The following CORIN variants were observed in gnomAD, a reference collection of about 807,000 sequenced individuals.
CORIN encodes corin, serine peptidase.
In CORIN, 117 loss-of-function variants were observed where a neutral mutation model predicts 125.3. The observed-to-expected ratio is 0.93, with a 90% CI of 0.80 to 1.09. CORIN has a LOEUF of 1.09. CORIN is among the 50% of genes least tolerant of loss of function. The pLI is 0.00. For synonymous variants in CORIN, 450 were observed against 466.4 expected (o/e 0.96, Z 0.45); for missense variants, 1,253 against 1,306.7 (o/e 0.96, Z 0.63).
rs80071252 is a variant in CORIN, at chr4:47,736,930, A to T, written c.799+7472T>A. Reference sequence around the variant, plus strand: ...AGGTGAGCAGTGAAAGGGGAGACATAGAGAAGCAGATCTATCACTTGGGAG... The same window carrying T: ...AGGTGAGCAGTGAAAGGGGAGACATTGAGAAGCAGATCTATCACTTGGGAG... On this transcript the variant is annotated intron_variant, in intron 5 of 21. Coordinates refer to ENST00000273857, the MANE Select transcript of CORIN (RefSeq NM_006587.4). Among the ~76,000 whole-genome samples the T allele has an allele frequency of 2.1e-3, 325 of 152,394 alleles. 1 individual carries two copies. The highest frequency in any genetic ancestry group is 7.4e-3 in the African/African-American group (306 of 41,598).
intron 2 of CORIN, chr4:47,790,281 C>T (rs1471015059): frequency 1.3e-6 from 1 of 742,222 alleles, no homozygotes; most frequent in African/African-American, 1.9e-5. Flanking sequence ...GGCAGAACCC[C>T]CGACTGGCCT....
rs557835541 is a variant in CORIN, at chr4:47,651,575, C to A, written c.1843+1978G>T. Among the ~76,000 whole-genome samples, 58 of 152,336 alleles carry A rather than the reference C, an allele frequency of 3.8e-4. No individual in the cohort carries two copies. The Middle Eastern group carries it at 0.01, about 27-fold the overall frequency. ...ATGTAAAGTTTTCTATTGTTAGTCACTTTGGAAAACTTCTCATAAATTAGT... is the reference window on the plus strand; with the variant it reads ...ATGTAAAGTTTTCTATTGTTAGTCAATTTGGAAAACTTCTCATAAATTAGT... On this transcript the variant is annotated intron_variant, in intron 13 of 21. Transcript: ENST00000273857.
At chr4:47,664,729 C>CT (rs1491211354) in intron 11 of CORIN, among the ~76,000 whole-genome samples, 4 of 152,074 alleles carry the variant, frequency 2.6e-5, no homozygotes, top group Non-Finnish European at 5.9e-5. Flanking sequence ...TACTATCATA[C>CT]TTTTTTAAAA....
chr4:47,785,224 T>G (rs1247494665), intron 3 of CORIN, among the ~76,000 whole-genome samples: 1 of 152,208 alleles, frequency 6.6e-6, no homozygotes, highest in Non-Finnish European at 1.5e-5. Context: ...GTGGCTGTAC[T>G]GTGCTCTGAT....
At chr4:47,775,704 G>A (rs1272050540) in intron 3 of CORIN, among the ~76,000 whole-genome samples, 1 of 152,144 alleles carries the variant, frequency 6.6e-6, no homozygotes, top group African/African-American at 2.4e-5. Flanking sequence ...GTTGGCACCT[G>A]TAGGGCCAAC....
intron 19 of CORIN, among the ~76,000 whole-genome samples, chr4:47,607,489 C>T (rs1056564447): frequency 6.6e-6 from 1 of 151,946 alleles, no homozygotes; most frequent in African/African-American, 2.4e-5. Context: ...TGACAGTGTT[C>T]TTTTCTTCTT....
At chr4:47,771,358 G>A (rs1469789104) in intron 3 of CORIN, among the ~76,000 whole-genome samples, 1 of 152,150 alleles carries the variant, frequency 6.6e-6, no homozygotes, top group Admixed American at 6.5e-5. Flanking sequence ...GTGTACTTAG[G>A]AAGATCTGTA....
chr4:47,680,307 A>T, intron 7 of CORIN, 56 bp from the exon 8 acceptor site: 6 of 1,231,602 alleles, frequency 4.9e-6, no homozygotes, highest in Non-Finnish European at 7.1e-6. Context: ...AACAGGCAGG[A>T]TTCTATGGCT....
rs144840009 is a variant in CORIN, at chr4:47,740,935, A to G, written c.799+3467T>C. Among the ~76,000 whole-genome samples, 283 of 152,142 alleles carry G rather than the reference A, an allele frequency of 1.9e-3. 1 individual carries two copies. Among genetic ancestry groups the G allele is most frequent in the Admixed American group, 6.4e-3 (98 of 15,278 alleles). ...AGAAGTTGGACTCCTACTTCACAACATACAGAAAAGTTAATTTAAAATGGA... is the reference window on the plus strand; with the variant it reads ...AGAAGTTGGACTCCTACTTCACAACGTACAGAAAAGTTAATTTAAAATGGA... On this transcript the variant is annotated intron_variant, in intron 5 of 21. Transcript: ENST00000273857.
chr4:47,761,077 A>C (rs1729425816), intron 4 of CORIN, among the ~76,000 whole-genome samples: 1 of 152,192 alleles, frequency 6.6e-6, no homozygotes, highest in African/African-American at 2.4e-5. Context: ...GACCACAAAA[A>C]CTTTCTCCAT....
chr4:47,728,159 A>C (rs1727685770), intron 5 of CORIN, among the ~76,000 whole-genome samples: 1 of 152,194 alleles, frequency 6.6e-6, no homozygotes, highest in South Asian at 2.1e-4. Flanking sequence ...CAATTTCAAA[A>C]GAGATTCATA....
chr4:47,822,043 C>A (rs751256446), intron 1 of CORIN, among the ~76,000 whole-genome samples: 11 of 149,556 alleles, frequency 7.4e-5, no homozygotes, highest in Admixed American at 3.3e-4. Flanking sequence ...TAACAGTATA[C>A]TAAATTGTTC....
chr4:47,794,702 A>T (rs1001327143), intron 2 of CORIN, among the ~76,000 whole-genome samples: 7 of 152,154 alleles, frequency 4.6e-5, no homozygotes, highest in African/African-American at 1.7e-4. Context: ...TGAAAAAACT[A>T]ATTCAGACCA....
chr4:47,707,752 T>C (rs1726643570), intron 5 of CORIN, among the ~76,000 whole-genome samples: 1 of 152,190 alleles, frequency 6.6e-6, no homozygotes, highest in African/African-American at 2.4e-5. Context: ...CTGGTGAGAA[T>C]ATACCTGGGT....
chr4:47,677,815 A>G (rs750964821), intron 9 of CORIN, 123 bp downstream of exon 9: 10 of 699,862 alleles, frequency 1.4e-5, no homozygotes, highest in Non-Finnish European at 2.3e-5. Flanking sequence ...GAGGACCACT[A>G]TGTTAGGCAA....
chr4:47,763,697 T>A (rs1729577935), intron 3 of CORIN, 111 bp from the exon 4 acceptor site: 2 of 859,620 alleles, frequency 2.3e-6, no homozygotes, highest in Admixed American at 4.6e-5. Flanking sequence ...AAGAAAAAAT[T>A]TAGATATGCA....
intron 6 of CORIN, among the ~76,000 whole-genome samples, chr4:47,691,477 A>C (rs750227827): frequency 3.9e-5 from 6 of 152,204 alleles, no homozygotes; most frequent in Non-Finnish European, 8.8e-5. Context: ...GTAAAACACA[A>C]ATTTCTTACT....
chr4:47,680,782 C>T (rs13131207), intron 7 of CORIN: 70,398 of 154,000 alleles, frequency 0.46, 18,121 homozygotes, highest in Non-Finnish European at 0.59. Flanking sequence ...GACAAGGTCT[C>T]TCTCTTTCTC....
intron 16 of CORIN, among the ~76,000 whole-genome samples, chr4:47,628,033 G>A (rs4586905): frequency 0.26 from 39,766 of 152,004 alleles, 5,434 homozygotes; most frequent in Admixed American, 0.36. Flanking sequence ...GCTTCCAAGA[G>A]GAAAGGCAAT....
Sources: allele counts gnomAD v4.1 joint callset (sites outside exome capture counted in the v4.1 genomes callset), GRCh38; gene constraint gnomAD v4.1.1; transcripts MANE v1.5; gene names NCBI Gene and HGNC (gene_info 2026-07-23, HGNC 2026-07-21).